The following MYO18A variants were observed in gnomAD, a reference collection of about 807,000 sequenced individuals.
MYO18A encodes the protein unconventional myosin-XVIIIa.
Under a neutral mutation model 235.8 loss-of-function variants are expected in MYO18A, and 78 were observed. The observed-to-expected ratio is 0.33, with a 90% CI of 0.28 to 0.40. The LOEUF (loss-of-function observed/expected upper bound fraction) is 0.40. MYO18A is among the 10% of genes least tolerant of loss of function. The pLI, the probability that MYO18A is intolerant of heterozygous loss-of-function variation, is 1.00. For missense variants in MYO18A, 2,215 were observed against 2,699.3 expected (o/e 0.82, Z 3.98); for synonymous variants, 977 against 1,077.8 (o/e 0.91, Z 1.83).
At chr17:29,075,056 T>C in intron 41 of MYO18A, 142 bp from the exon 42 acceptor site, 1 of 960,224 alleles carries the variant, frequency 1.0e-6, no homozygotes, top group Non-Finnish European at 1.5e-6. Context: ...CTTCCTTGGC[T>C]TACTTAGAAG....
chr17:29,124,766 T>C (rs2067281474), intron 2 of MYO18A: 2 of 1,161,638 alleles, frequency 1.7e-6, no homozygotes, highest in African/African-American at 1.6e-5. Context: ...CTTCAGCAAG[T>C]GCTCCTGAGT....
chr17:29,134,297 A>G (rs1233018775), intron 2 of MYO18A, among the ~76,000 whole-genome samples: 1 of 151,948 alleles, frequency 6.6e-6, no homozygotes, highest in Non-Finnish European at 1.5e-5. Flanking sequence ...TGGCCAGACT[A>G]GTCTCGAACT....
At chr17:29,092,718 TA>T in intron 33 of MYO18A, 136 bp downstream of exon 33, 1 of 1,235,994 alleles carries the variant, frequency 8.1e-7, no homozygotes, top group Non-Finnish European at 1.1e-6. Context: ...GTCTAGCTGC[TA>T]CACGTGGCTC....
chr17:29,123,057 G>A (rs558807547), intron 2 of MYO18A, among the ~76,000 whole-genome samples: 4 of 152,242 alleles, frequency 2.6e-5, no homozygotes, highest in Non-Finnish European at 5.9e-5. Context: ...GATGGGCACA[G>A]GAGTGGTGTA....
chr17:29,094,630 T>A lies in MYO18A; in HGVS notation c.4710+20A>T, dbSNP rs747541965. 63 of 1,613,728 alleles carry A rather than the reference T, an allele frequency of 3.9e-5. No individual in the cohort carries two copies. Among genetic ancestry groups the A allele is most frequent in the Non-Finnish European group, 5.1e-5 (60 of 1,179,712 alleles). ...GGCCTCGCTGCACCTCACCTCTCCC[T>A]TGGCCAAGCCCTCCTGTACCTGTTC... On this transcript the variant is annotated intron_variant, in intron 30 of 41. Transcript: ENST00000527372.
chr17:29,096,721 C>A, intron 28 of MYO18A, 40 bp downstream of exon 28: 1 of 1,542,642 alleles, frequency 6.5e-7, no homozygotes, highest in South Asian at 1.3e-5. Flanking sequence ...TGTGGCTGCT[C>A]CAGAAGGTTC....
chr17:29,163,374 C>T (rs2068214494), intron 2 of MYO18A, among the ~76,000 whole-genome samples: 1 of 152,208 alleles, frequency 6.6e-6, no homozygotes, highest in African/African-American at 2.4e-5. Context: ...CCACCACCTA[C>T]CTGGGTGAGA....
At chr17:29,083,349 T>C (rs1043401561) in intron 40 of MYO18A, among the ~76,000 whole-genome samples, 8 of 152,256 alleles carry the variant, frequency 5.3e-5, no homozygotes, top group Admixed American at 4.6e-4. Context: ...GGCTTGGAGA[T>C]AGCTTCTGAG....
intron 2 of MYO18A, among the ~76,000 whole-genome samples, chr17:29,147,088 T>G (rs1052799300): frequency 2.0e-5 from 3 of 152,234 alleles, no homozygotes; most frequent in Non-Finnish European, 4.4e-5. Flanking sequence ...AGATTGTGAC[T>G]GGCCAGGTGA....
At position 29,096,771 on chromosome 17, in the gene MYO18A, T is replaced by C; in HGVS notation, c.4375A>G (p.Lys1459Glu). The change falls in exon 28 of 42, where the codon AAG becomes GAG. Residue 1459 changes from lysine (K) to glutamate (E), a missense_variant. Physicochemically the swap from Lys to Glu is moderately conservative, Grantham distance 56 (BLOSUM62 1). Coordinates refer to ENST00000527372, the MANE Select transcript of MYO18A (RefSeq NM_078471.4). ...QQVRNHELEK[K>E]QRRFDSELSQ... Reference sequence around the variant, plus strand: ...AGGGGGCCCACCCACCTCCTCTGCTTCTTCTCCAGTTCGTGGTTGCGGACC... The same window carrying C: ...AGGGGGCCCACCCACCTCCTCTGCTCCTTCTCCAGTTCGTGGTTGCGGACC... The C allele has an allele frequency of 1.9e-6, 3 of 1,603,744 alleles. No individual in the cohort carries two copies. The highest frequency in any genetic ancestry group is 2.6e-6 in the Non-Finnish European group (3 of 1,174,698).
chr17:29,129,586 C>T (rs1319297141), intron 2 of MYO18A, among the ~76,000 whole-genome samples: 1 of 152,208 alleles, frequency 6.6e-6, no homozygotes, highest in Non-Finnish European at 1.5e-5. Context: ...AGAGCTCTGT[C>T]ACCAGCTGAG....
intron 30 of MYO18A, chr17:29,094,448 T>C (rs1269224624): frequency 4.8e-6 from 3 of 628,714 alleles, no homozygotes; most frequent in East Asian, 5.5e-5. Context: ...ATCAGATTTG[T>C]TTTTGTGGAA....
intron 40 of MYO18A, among the ~76,000 whole-genome samples, chr17:29,083,521 TGC>T (rs1163188636): frequency 5.1e-5 from 3 of 58,598 alleles, no homozygotes; most frequent in Admixed American, 1.6e-4. Flanking sequence ...CAGGCATGTG[TGC>T]GCGCGCGCGC....
At chr17:29,157,349 G>A (rs2068084421) in intron 2 of MYO18A, among the ~76,000 whole-genome samples, 2 of 152,186 alleles carry the variant, frequency 1.3e-5, no homozygotes, top group Non-Finnish European at 2.9e-5. Context: ...CACCACCACA[G>A]CTCAAGAGTG....
At chr17:29,134,443 G>C (rs2067546516) in intron 2 of MYO18A, among the ~76,000 whole-genome samples, 1 of 152,202 alleles carries the variant, frequency 6.6e-6, no homozygotes, top group Non-Finnish European at 1.5e-5. Context: ...AGAATTAGGG[G>C]CTAGTCTAGA....
intron 2 of MYO18A, chr17:29,124,798 G>A: frequency 2.2e-6 from 2 of 912,556 alleles, no homozygotes; most frequent in Non-Finnish European, 2.9e-6. Flanking sequence ...GCACTCTCTA[G>A]TTGTCCAAGG....
chr17:29,107,265 G>C, intron 19 of MYO18A, 76 bp from the exon 20 acceptor site: 5 of 1,390,196 alleles, frequency 3.6e-6, no homozygotes, highest in Non-Finnish European at 5.1e-6. Context: ...CTGTGCCTGG[G>C]CAGTCAGTGG....
At chr17:29,124,684 T>G in intron 2 of MYO18A, 1 of 1,282,630 alleles carries the variant, frequency 7.8e-7, no homozygotes, top group Non-Finnish European at 1.0e-6. Flanking sequence ...GGCCTCAGAG[T>G]CCAGCTACCG....
At chr17:29,128,941 C>T in intron 2 of MYO18A, 1 of 907,294 alleles carries the variant, frequency 1.1e-6, no homozygotes, top group Non-Finnish European at 1.6e-6. Context: ...GCAGCCCAGA[C>T]ACAGCAGAGA....
Sources: gnomAD v4.1 joint callset for allele counts (sites outside exome capture counted in the v4.1 genomes callset) on GRCh38, gnomAD v4.1.1 for gene constraint, MANE v1.5 for transcripts, NCBI Gene and HGNC (gene_info 2026-07-23, HGNC 2026-07-21) for gene names.